Variants in GRIK5 observed in about 807,000 individuals in gnomAD.
The protein encoded by GRIK5 is glutamate receptor ionotropic, kainate 5.
GRIK5 carries 43 observed loss-of-function variants against 97.4 expected under a neutral mutation model. That is an observed-to-expected ratio of 0.44 (90% CI 0.35 to 0.57). The LOEUF is 0.57. GRIK5 is among the 20% of genes least tolerant of loss of function. GRIK5 has a pLI of 0.01. For synonymous variants in GRIK5, 580 were observed against 583.5 expected (o/e 0.99, Z 0.09); for missense variants, 1,015 against 1,382.0 (o/e 0.73, Z 4.21).
At chr19:42,059,991 C>T (rs892452421) in intron 5 of GRIK5, among the ~76,000 whole-genome samples, 7 of 152,100 alleles carry the variant, frequency 4.6e-5, no homozygotes, top group Admixed American at 2.6e-4. Flanking sequence ...CCACCACCAA[C>T]TCCTGCCTGC....
rs751850053 is a variant in GRIK5, at chr19:42,022,286, C to T, written c.1542G>A (p.Lys514=). The T allele has an allele frequency of 7.4e-6, 12 of 1,613,966 alleles. No individual in the cohort carries two copies. Among genetic ancestry groups the T allele is most frequent in the African/African-American group, 2.7e-5 (2 of 74,902 alleles). ...AEREKVIDFS[K]PFMTLGISIL... ...TGCTGATCCCCAGGGTCATAAAGGG[C>T]TTGGAAAAGTCGATGACCTTCTCCC... Residue 514 remains lysine (K), a synonymous_variant, in exon 13 of 20, where the codon AAG becomes AAA. Transcript: ENST00000593562. This position sits in a 1 kb window ranked among gnomAD's most constrained non-coding sequence, Gnocchi z 4.2.
chr19:42,012,906 T>A (rs1012101126), intron 15 of GRIK5, among the ~76,000 whole-genome samples: 1 of 151,860 alleles, frequency 6.6e-6, no homozygotes, highest in Admixed American at 6.6e-5. Flanking sequence ...ACATGACTTA[T>A]ATAAAATTCA....
At chr19:42,068,311 G>A (rs1482901675) in intron 1 of GRIK5, among the ~76,000 whole-genome samples, 2 of 152,188 alleles carry the variant, frequency 1.3e-5, no homozygotes, top group African/African-American at 2.4e-5. Flanking sequence ...CAGGAATGCC[G>A]TGTGGGGGAG....
chr19:42,063,430 A>T (rs1307284753), intron 3 of GRIK5: 1 of 449,472 alleles, frequency 2.2e-6, no homozygotes, highest in Non-Finnish European at 4.5e-6. Flanking sequence ...TCCTGGGGGA[A>T]CTATCCTCAC....
intron 1 of GRIK5, among the ~76,000 whole-genome samples, chr19:42,068,265 C>T (rs1234406439): frequency 6.6e-6 from 1 of 152,032 alleles, no homozygotes; most frequent in African/African-American, 2.4e-5. Context: ...CAGGAGAGGC[C>T]AGACCCACAC....
chr19:42,061,873 G>A (rs757174960), intron 5 of GRIK5, among the ~76,000 whole-genome samples: 33 of 152,082 alleles, frequency 2.2e-4, no homozygotes, highest in Non-Finnish European at 4.6e-4. Flanking sequence ...CTGTCCCCTC[G>A]CCCTGCCCGG....
intron 12 of GRIK5, among the ~76,000 whole-genome samples, chr19:42,027,843 T>C (rs993880673): frequency 2.0e-5 from 3 of 152,168 alleles, no homozygotes; most frequent in Non-Finnish European, 4.4e-5. Context: ...TTTGTTTTTG[T>C]TTTTGAGACA....
chr19:42,028,729 G>A (rs1047451989), intron 12 of GRIK5, among the ~76,000 whole-genome samples: 4 of 152,214 alleles, frequency 2.6e-5, no homozygotes, highest in African/African-American at 9.6e-5. Context: ...TTCCTGCCAT[G>A]ATACCTCCAT....
At position 42,065,003 on chromosome 19, in the gene GRIK5, C is replaced by T. The variant is rs780589552; in HGVS notation, c.244+220G>A. Reference sequence around the variant, plus strand: ...AGGGCTTATCTTTTCAACGCCGCCCCGTGCTCCTCCAGAGCAGAACTGGGG... The same window carrying T: ...AGGGCTTATCTTTTCAACGCCGCCCTGTGCTCCTCCAGAGCAGAACTGGGG... On this transcript the variant is annotated intron_variant, in intron 3 of 19. Coordinates refer to ENST00000593562, the MANE Select transcript of GRIK5 (RefSeq NM_002088.5). The surrounding 1 kb of genome is among the most constrained non-coding windows in gnomAD (Gnocchi z 5.8). Among the ~76,000 whole-genome samples, 3 of 152,254 alleles carry T rather than the reference C, an allele frequency of 2.0e-5. No individual in the cohort carries two copies. Among genetic ancestry groups the T allele is most frequent in the Non-Finnish European group, 4.4e-5 (3 of 68,046 alleles).
chr19:42,053,970 GC>G, intron 9 of GRIK5, 41 bp from the exon 10 acceptor site: 1 of 1,384,974 alleles, frequency 7.2e-7, no homozygotes, highest in Non-Finnish European at 1.0e-6. Context: ...GAGTGCAGGG[GC>G]CCAGAGATGG....
chr19:42,024,211 G>A (rs2075739905), intron 12 of GRIK5, among the ~76,000 whole-genome samples: 1 of 146,478 alleles, frequency 6.8e-6, no homozygotes, highest in Admixed American at 6.8e-5. Flanking sequence ...TTCCCCATTG[G>A]CCCTTTTTTT....
chr19:42,062,780 C>T lies in GRIK5; in HGVS notation c.320G>A (p.Ser107Asn), dbSNP rs1031208775. 2 of 1,613,798 alleles carry T rather than the reference C, an allele frequency of 1.2e-6. No homozygotes were observed. Among genetic ancestry groups the T allele is most frequent in the Admixed American group, 1.7e-5 (1 of 60,028 alleles). ...SSSPASASTVSHICGEKEIPH... is the reference protein window; with the variant it reads ...SSSPASASTVNHICGEKEIPH... ...CACCTCCTTCTCTCCACAGATATGG[C>T]TCACGGTGGAGGCAGATGCTGGGCT... Residue 107 changes from serine (S) to asparagine (N), a missense_variant, in exon 4 of 20, where the codon AGC becomes AAC. This residue lies in a region of GRIK5 where 198 missense variants were observed against 218.2 expected (regional missense o/e 0.91). Coordinates refer to ENST00000593562, the MANE Select transcript of GRIK5 (RefSeq NM_002088.5). This position sits in a 1 kb window ranked among gnomAD's most constrained non-coding sequence, Gnocchi z 5.3.
intron 15 of GRIK5, among the ~76,000 whole-genome samples, chr19:42,014,636 A>T (rs1199203085): frequency 6.6e-6 from 1 of 151,950 alleles, no homozygotes; most frequent in African/African-American, 2.4e-5. Context: ...TATAAAAATT[A>T]GCTGGGTGTG....
At chr19:42,067,678 A>C (rs1037072098) in intron 1 of GRIK5, among the ~76,000 whole-genome samples, 5 of 152,164 alleles carry the variant, frequency 3.3e-5, no homozygotes, top group Non-Finnish European at 7.4e-5. Flanking sequence ...TGGCAGCCAA[A>C]GGTGGGAGCA....
intron 15 of GRIK5, among the ~76,000 whole-genome samples, chr19:42,014,595 C>T (rs2075603291): frequency 6.6e-6 from 1 of 151,958 alleles, no homozygotes; most frequent in African/African-American, 2.4e-5. Context: ...CCAGCCTTGC[C>T]AACATGGTGA....
intron 12 of GRIK5, among the ~76,000 whole-genome samples, chr19:42,041,268 G>C (rs1568912164): frequency 6.6e-6 from 1 of 152,110 alleles, no homozygotes; most frequent in African/African-American, 2.4e-5. Context: ...TAACGTCAAG[G>C]CTGCCCTGGC....
intron 11 of GRIK5, among the ~76,000 whole-genome samples, chr19:42,049,416 T>C (rs967495611): frequency 6.6e-6 from 1 of 152,192 alleles, no homozygotes; most frequent in Non-Finnish European, 1.5e-5. Context: ...CCATCTAGAT[T>C]GGATGAATCA....
At chr19:42,032,056 T>C (rs1357550191) in intron 12 of GRIK5, among the ~76,000 whole-genome samples, 2 of 152,118 alleles carry the variant, frequency 1.3e-5, no homozygotes, top group Non-Finnish European at 2.9e-5. Flanking sequence ...GAGGCTGCAG[T>C]GAGCTGTGAT....
intron 11 of GRIK5, among the ~76,000 whole-genome samples, chr19:42,052,015 G>A (rs1230314889): frequency 2.6e-5 from 4 of 152,156 alleles, no homozygotes; most frequent in Admixed American, 2.6e-4. Context: ...TCCTCCATCA[G>A]ACTGGGACCG....
Sources: gnomAD v4.1 joint callset for allele counts (sites outside exome capture counted in the v4.1 genomes callset) on GRCh38, gnomAD v4.1.1 for gene constraint, gnomAD v4.1.1 regional missense constraint, Gnocchi (gnomAD v3.1) non-coding constraint, MANE v1.5 for transcripts, NCBI Gene and HGNC (gene_info 2026-07-23, HGNC 2026-07-21) for gene names.